Variants in ITGA9 observed in about 807,000 individuals in gnomAD.
ITGA9 encodes integrin subunit alpha 9.
ITGA9 carries 56 observed loss-of-function variants against 127.8 expected under a neutral mutation model. The observed-to-expected ratio is 0.44, with a 90% CI of 0.35 to 0.55. ITGA9 has a LOEUF of 0.55. ITGA9 is among the 20% of genes least tolerant of loss of function. The pLI is 0.00. For missense variants in ITGA9, 1,196 were observed against 1,347.1 expected (o/e 0.89, Z 1.76); for synonymous variants, 508 against 514.5 (o/e 0.99, Z 0.17).
intron 11 of ITGA9, among the ~76,000 whole-genome samples, chr3:37,521,243 C>A (rs1413534688): frequency 3.3e-5 from 5 of 152,142 alleles, no homozygotes; most frequent in South Asian, 4.1e-4. Flanking sequence ...AGGCCCAGGT[C>A]CTGGACAGAG....
chr3:37,625,360 T>C (rs56827998), intron 15 of ITGA9, among the ~76,000 whole-genome samples: 2,481 of 152,298 alleles, frequency 0.016, 58 homozygotes, highest in African/African-American at 0.054. Context: ...TGGCATAAAG[T>C]AAGCACCCAA....
chr3:37,548,403 T>C (rs1331167175), intron 15 of ITGA9, among the ~76,000 whole-genome samples: 1 of 152,210 alleles, frequency 6.6e-6, no homozygotes, highest in Non-Finnish European at 1.5e-5. Flanking sequence ...TTGCATTTAT[T>C]AAAACTTAAC....
At chr3:37,812,182 G>A (rs1369843068) in intron 27 of ITGA9, among the ~76,000 whole-genome samples, 1 of 152,234 alleles carries the variant, frequency 6.6e-6, no homozygotes, top group African/African-American at 2.4e-5. Context: ...GACATTCAGT[G>A]GGGGCTTGTT....
At chr3:37,590,035 G>T (rs1300789836) in intron 15 of ITGA9, among the ~76,000 whole-genome samples, 4 of 152,276 alleles carry the variant, frequency 2.6e-5, no homozygotes, top group Admixed American at 2.6e-4. Context: ...AACAGGTAGA[G>T]GTGTGCCCTG....
At chr3:37,550,923 A>G (rs1699372254) in intron 15 of ITGA9, among the ~76,000 whole-genome samples, 1 of 152,152 alleles carries the variant, frequency 6.6e-6, no homozygotes, top group South Asian at 2.1e-4. Flanking sequence ...TGTTTGTTCC[A>G]TGGGTATATC....
At chr3:37,693,926 A>C (rs939999452) in intron 18 of ITGA9, among the ~76,000 whole-genome samples, 1 of 152,168 alleles carries the variant, frequency 6.6e-6, no homozygotes, top group African/African-American at 2.4e-5. Flanking sequence ...TTCAACCCTT[A>C]GATGTTTATA....
intron 15 of ITGA9, among the ~76,000 whole-genome samples, chr3:37,623,420 T>G (rs1428205377): frequency 3.9e-5 from 6 of 152,208 alleles, no homozygotes; most frequent in Admixed American, 3.9e-4. Flanking sequence ...TTTTAGCCAC[T>G]GCTTCACTTT....
At chr3:37,663,228 C>A (rs968954963) in intron 17 of ITGA9, among the ~76,000 whole-genome samples, 1 of 152,138 alleles carries the variant, frequency 6.6e-6, no homozygotes, top group Non-Finnish European at 1.5e-5. Flanking sequence ...TGAATACTCA[C>A]AGTACCTAAG....
Position 37,818,191 on chromosome 3 carries a change from T to TAAAAAAAAAA in ITGA9, c.3010-683_3010-674dup, listed in dbSNP as rs748381488. ...CTTTCCACTGTACATTAAGACTCTC[T>TAAAAAAAAAA]AAAAAAAAAAAAAAAAAAAAAAAAA... On this transcript the variant is annotated intron_variant, in intron 27 of 27. Coordinates refer to ENST00000264741, the MANE Select transcript of ITGA9 (RefSeq NM_002207.3). The TAAAAAAAAAA allele has an allele frequency of 2.1e-3, 68 of 31,970 alleles. 4 individuals carry two copies. The highest frequency in any genetic ancestry group is 2.9e-3 in the African/African-American group (31 of 10,666). 2.0% of individuals were successfully genotyped at this position (31,970 alleles called of 1,614,324 possible). A position where few individuals can be genotyped will look rare whatever the true frequency, so the allele number is the denominator to read the frequency against.
intron 27 of ITGA9, among the ~76,000 whole-genome samples, chr3:37,815,746 T>C (rs1022343335): frequency 6.6e-6 from 1 of 152,210 alleles, no homozygotes; most frequent in African/African-American, 2.4e-5. Flanking sequence ...AGTTAACTTA[T>C]GCTACTTGAC....
rs564026205 is a variant in ITGA9, at chr3:37,587,681, A to G, written c.1690-41506A>G. Among the ~76,000 whole-genome samples the G allele has an allele frequency of 1.2e-4, 19 of 152,296 alleles. No individual in the cohort carries two copies. The South Asian group carries it at 1.7e-3, about 13-fold the overall frequency. On this transcript the variant is annotated intron_variant, in intron 15 of 27. Transcript: ENST00000264741. ...GGTGCAAAAATAAAGTCTAATAATA[A>G]TAATAACCATCATTTATTGAGAACC...
chr3:37,807,929 A>AGATGC (rs1575247685), intron 27 of ITGA9: 1 of 152,322 alleles, frequency 6.6e-6, no homozygotes, highest in East Asian at 1.9e-4. Context: ...GGGGAAGGCA[A>AGATGC]GATGCGAATT....
rs60980366 is a variant in ITGA9, at chr3:37,466,483, C to CAAAAAAAAAAAAAAAAAAAAAAAAAA, written c.186-4519_186-4494dup. Among the ~76,000 whole-genome samples the CAAAAAAAAAAAAAAAAAAAAAAAAAA allele has an allele frequency of 1.5e-4, 4 of 26,064 alleles. 2 individuals are homozygous for CAAAAAAAAAAAAAAAAAAAAAAAAAA. The highest frequency in any genetic ancestry group is 0.083 in the Middle Eastern group (2 of 24). 17.1% of individuals were successfully genotyped at this position (26,064 alleles called of 152,430 possible). A position where few individuals can be genotyped will look rare whatever the true frequency, so the allele number is the denominator to read the frequency against. ...TGGGTAACAGAGCAAGACACCATCT[C>CAAAAAAAAAAAAAAAAAAAAAAAAAA]AAAAAAAAAAAAAAAAAAAAAAAAA... On this transcript the variant is annotated intron_variant, in intron 1 of 27. Transcript: ENST00000264741.
intron 15 of ITGA9, among the ~76,000 whole-genome samples, chr3:37,606,374 T>C (rs1478613370): frequency 2.0e-5 from 3 of 152,174 alleles, no homozygotes; most frequent in Non-Finnish European, 2.9e-5. Flanking sequence ...CAGCAGCCAC[T>C]GCGCGGCTGC....
At chr3:37,764,000 G>A (rs1221315499) in intron 23 of ITGA9, among the ~76,000 whole-genome samples, 2 of 152,110 alleles carry the variant, frequency 1.3e-5, no homozygotes, top group Non-Finnish European at 2.9e-5. Context: ...GAATACAATC[G>A]AGATGTCTCC....
At position 37,453,115 on chromosome 3, in the gene ITGA9, G is replaced by GCC. The variant is rs33973256; in HGVS notation, c.185+570_185+571dup. On this transcript the variant is annotated intron_variant, in intron 1 of 27. Coordinates refer to ENST00000264741, the MANE Select transcript of ITGA9 (RefSeq NM_002207.3). ...GCGCACTGGAGCCCAGAGCCCCGGC[G>GCC]CCCCCCCCCCCCCCCAGCTCCTACA... 1.3e-4 allele frequency among the ~76,000 whole-genome samples: 18 copies of GCC among 142,008 alleles called. No individual in the cohort carries two copies. The East Asian group carries it at 1.9e-3, about 15-fold the overall frequency. 93.2% of individuals were successfully genotyped at this position (142,008 alleles called of 152,430 possible).
intron 15 of ITGA9, among the ~76,000 whole-genome samples, chr3:37,585,802 C>CCG (rs1553648617): frequency 1.3e-5 from 2 of 151,902 alleles, no homozygotes; most frequent in East Asian, 1.9e-4. Context: ...GGGGGCCCCC[C>CCG]CAATTTTAAT....
chr3:37,748,343 C>G (rs547014819), intron 22 of ITGA9: 87 of 598,420 alleles, frequency 1.5e-4, no homozygotes, highest in Non-Finnish European at 2.4e-4. Flanking sequence ...GTTATAAACA[C>G]ACAAGTTAAG....
chr3:37,677,086 T>C (rs1700689303), intron 17 of ITGA9, among the ~76,000 whole-genome samples: 1 of 152,236 alleles, frequency 6.6e-6, no homozygotes, highest in African/African-American at 2.4e-5. Flanking sequence ...TCTTCACCTG[T>C]TCCTTTGGCA....
Sources: gnomAD v4.1 joint callset for allele counts (sites outside exome capture counted in the v4.1 genomes callset) on GRCh38, gnomAD v4.1.1 for gene constraint, MANE v1.5 for transcripts, NCBI Gene and HGNC (gene_info 2026-07-23, HGNC 2026-07-21) for gene names.